Variants in ARNT2 observed in about 807,000 individuals in gnomAD.
The protein encoded by ARNT2 is aryl hydrocarbon receptor nuclear translocator 2.
ARNT2 carries 36 observed loss-of-function variants against 91.7 expected under a neutral mutation model. The ratio of observed to expected loss-of-function variants is 0.39; its 90% CI spans 0.30 to 0.52. The LOEUF is 0.52. Ranked by LOEUF, ARNT2 falls within the 20% of genes least tolerant of loss-of-function variation. ARNT2 has a pLI of 0.72. For synonymous variants in ARNT2, 365 were observed against 347.1 expected (o/e 1.05, Z -0.57); for missense variants, 775 against 939.3 (o/e 0.83, Z 2.29).
At chr15:80,562,501 G>A (rs1898383285) in intron 11 of ARNT2, among the ~76,000 whole-genome samples, 1 of 152,092 alleles carries the variant, frequency 6.6e-6, no homozygotes, top group Non-Finnish European at 1.5e-5. Flanking sequence ...CAATACATTT[G>A]AAATCATATT....
At position 80,494,258 on chromosome 15, in the gene ARNT2, T is replaced by C. The variant is rs1383857759; in HGVS notation, c.623-13898T>C. Reference sequence around the variant, plus strand: ...TATTTTAAGGCCCCTTTTACTGTTTTTCTTCATGAATGCAGATTTTTCCTG... The same window carrying C: ...TATTTTAAGGCCCCTTTTACTGTTTCTCTTCATGAATGCAGATTTTTCCTG... On this transcript the variant is annotated intron_variant, in intron 5 of 18. Coordinates refer to ENST00000303329, the MANE Select transcript of ARNT2 (RefSeq NM_014862.4). 2.0e-5 allele frequency among the ~76,000 whole-genome samples: 3 copies of C among 152,222 alleles called. No individual in the cohort carries two copies. The East Asian group carries it at 5.8e-4, about 29-fold the overall frequency.
chr15:80,591,434 C>G lies in ARNT2; in HGVS notation c.1919-134C>G. The G allele has an allele frequency of 1.7e-6, 2 of 1,155,002 alleles. No homozygotes were observed. The highest frequency in any genetic ancestry group is 2.5e-6 in the Non-Finnish European group (2 of 792,442). The allele number at this position is 1,155,002 out of a possible 1,614,324, so 71.5% of individuals were successfully genotyped here. On this transcript the variant is annotated intron_variant, in intron 17 of 18. Coordinates refer to ENST00000303329, the MANE Select transcript of ARNT2 (RefSeq NM_014862.4). The surrounding 1 kb of genome is among the most constrained non-coding windows in gnomAD (Gnocchi z 5.1). ...CAGCCAGTGAGAAAGACGAGGATAG[C>G]AAACACATTCCGCCAGCTCTGGATG...
intron 17 of ARNT2, among the ~76,000 whole-genome samples, chr15:80,590,253 C>G (rs1029105778): frequency 1.3e-5 from 2 of 152,072 alleles, no homozygotes; most frequent in African/African-American, 4.8e-5. Context: ...GACAGAGAGC[C>G]CATTATCTCC....
intron 5 of ARNT2, among the ~76,000 whole-genome samples, chr15:80,488,349 CT>C (rs2141409332): frequency 6.6e-6 from 1 of 152,314 alleles, no homozygotes; most frequent in African/African-American, 2.4e-5. Context: ...CCATGTAACA[CT>C]GGTGTGCTTC....
intron 1 of ARNT2, among the ~76,000 whole-genome samples, chr15:80,419,570 A>C (rs976830348): frequency 6.6e-6 from 1 of 152,220 alleles, no homozygotes; most frequent in Non-Finnish European, 1.5e-5. Flanking sequence ...CAGAGGTGTT[A>C]ACTAGGCATC....
rs61753570 is a variant in ARNT2 at position 80,591,656 on chromosome 15, C to T, written c.2007C>T (p.Ser669=). 2.2e-3 allele frequency: 3,586 copies of T among 1,614,094 alleles called. 80 individuals carry two copies. In the Admixed American group the frequency reaches 0.042, roughly 19 times the overall value. The change falls in exon 18 of 19, where the codon AGC becomes AGT. Residue 669 remains serine (S), a synonymous_variant. Coordinates refer to ENST00000303329, the MANE Select transcript of ARNT2 (RefSeq NM_014862.4). The surrounding 1 kb of genome is among the most constrained non-coding windows in gnomAD (Gnocchi z 5.1). ...AAAGCCAGCACCATGGCCAGCAGAG[C>T]GGTGAGCAGCACTCCCACCAGCAGC... The part of the protein sequence containing the change: ...QWQSQHHGQQ[S]GEQHSHQQPG...
In ARNT2 at chr15:80,594,235, G is replaced by C. The variant is rs908621431; in HGVS notation, c.*537G>C. ...AGGCGCCTGCCCCTCAGCTCCGCTGGTCTGTCTGTGCATCCACTGTGCCGT... is the reference window on the plus strand; with the variant it reads ...AGGCGCCTGCCCCTCAGCTCCGCTGCTCTGTCTGTGCATCCACTGTGCCGT... On this transcript the variant is annotated 3_prime_UTR_variant, in exon 19 of 19. Transcript: ENST00000303329. The C allele has an allele frequency of 6.4e-6, 1 of 156,152 alleles. No individual in the cohort carries two copies. Among genetic ancestry groups the C allele is most frequent in the Non-Finnish European group, 1.4e-5 (1 of 70,674 alleles). 9.7% of individuals were successfully genotyped at this position (156,152 alleles called of 1,614,324 possible). A position where few individuals can be genotyped will look rare whatever the true frequency, so the allele number is the denominator to read the frequency against.
chr15:80,446,652 G>A (rs117263184), intron 1 of ARNT2, among the ~76,000 whole-genome samples: 2 of 152,332 alleles, frequency 1.3e-5, no homozygotes, highest in East Asian at 1.9e-4. Context: ...GGTCCCTGCC[G>A]AGTTTCCTAA....
intron 4 of ARNT2, among the ~76,000 whole-genome samples, chr15:80,471,564 C>T (rs1168863485): frequency 6.6e-6 from 1 of 152,150 alleles, no homozygotes; most frequent in East Asian, 1.9e-4. Flanking sequence ...GTGATGGCAG[C>T]AGTAGTGATA....
intron 5 of ARNT2, chr15:80,487,617 G>C (rs1457146199): frequency 6.6e-6 from 1 of 152,204 alleles, no homozygotes; most frequent in Non-Finnish European, 1.5e-5. Context: ...TTAGATAGCT[G>C]GTACTTGACC....
intron 4 of ARNT2, among the ~76,000 whole-genome samples, chr15:80,470,949 C>T (rs1303428630): frequency 6.6e-6 from 1 of 152,192 alleles, no homozygotes; most frequent in Non-Finnish European, 1.5e-5. Flanking sequence ...ACTAGCTCAA[C>T]CATTGTAGAA....
intron 8 of ARNT2, among the ~76,000 whole-genome samples, chr15:80,544,330 C>T (rs1897958007): frequency 6.6e-6 from 1 of 152,090 alleles, no homozygotes; most frequent in Non-Finnish European, 1.5e-5. Flanking sequence ...GGCTTGAAAA[C>T]TCTCTTAAGG....
At chr15:80,590,430 A>G (rs1406378744) in intron 17 of ARNT2, among the ~76,000 whole-genome samples, 1 of 152,202 alleles carries the variant, frequency 6.6e-6, no homozygotes, top group African/African-American at 2.4e-5. Context: ...GTTGAATCTC[A>G]AAAATGTTTT....
At chr15:80,510,407 CAGA>C (rs893216517) in intron 6 of ARNT2, among the ~76,000 whole-genome samples, 5 of 151,996 alleles carry the variant, frequency 3.3e-5, no homozygotes, top group Non-Finnish European at 5.9e-5. Context: ...AGACACTTTT[CAGA>C]AGAAGACATA....
At chr15:80,559,314 GTCCC>G (rs1445119959) in intron 11 of ARNT2, among the ~76,000 whole-genome samples, 3 of 151,094 alleles carry the variant, frequency 2.0e-5, no homozygotes, top group African/African-American at 7.3e-5. Flanking sequence ...AGTGCCGGCA[GTCCC>G]AGCCCCAGAC....
Position 80,508,199 on chromosome 15 carries a change from G to T in ARNT2, c.666G>T (p.Gly222=), listed in dbSNP as rs371010555. Residue 222 remains glycine, a synonymous_variant, in exon 6 of 19, where the codon GGG becomes GGT. Coordinates refer to ENST00000303329, the MANE Select transcript of ARNT2 (RefSeq NM_014862.4). ...AGACTGGGACGGTCAAGAAAGAAGG[G>T]CAGCAGTCATCCATGAGGATGTGCA... ...DLKTGTVKKE[G]QQSSMRMCMG... is the part of the protein sequence containing the mutation. The T allele has an allele frequency of 1.1e-4, 175 of 1,614,022 alleles. No homozygotes were observed. Among genetic ancestry groups the T allele is most frequent in the Non-Finnish European group, 1.5e-4 (173 of 1,180,020 alleles).
chr15:80,513,393 C>G (rs1482337362), intron 6 of ARNT2, among the ~76,000 whole-genome samples: 1 of 152,232 alleles, frequency 6.6e-6, no homozygotes, highest in East Asian at 1.9e-4. Context: ...TTCCAGCTGT[C>G]TGGTTGTCCC....
In ARNT2 at chr15:80,576,717, A is replaced by C. The variant is rs1898682436; in HGVS notation, c.1514-149A>C. 9.2e-6 allele frequency: 7 copies of C among 758,292 alleles called. No individual in the cohort carries two copies. The Admixed American group carries it at 1.3e-4, about 14-fold the overall frequency. 47.0% of individuals were successfully genotyped at this position (758,292 alleles called of 1,614,324 possible). ...CCAGGGGAGATGAGGAGGCAGAGGCAAGGCTGAGAAGATTGCGTGCAGGCG... is the reference window on the plus strand; with the variant it reads ...CCAGGGGAGATGAGGAGGCAGAGGCCAGGCTGAGAAGATTGCGTGCAGGCG... On this transcript the variant is annotated intron_variant, in intron 14 of 18. Transcript: ENST00000303329.
chr15:80,565,047 C>T (rs548388179), intron 12 of ARNT2, among the ~76,000 whole-genome samples: 4 of 151,938 alleles, frequency 2.6e-5, no homozygotes, highest in African/African-American at 7.3e-5. Flanking sequence ...CTCAGCCTCC[C>T]GAGTAGCTGG....
Sources: allele counts gnomAD v4.1 joint callset (sites outside exome capture counted in the v4.1 genomes callset), GRCh38; gene constraint gnomAD v4.1.1; non-coding constraint Gnocchi (gnomAD v3.1); transcripts MANE v1.5; gene names NCBI Gene and HGNC (gene_info 2026-07-23, HGNC 2026-07-21).